ERBIN: variants seen among roughly 807,000 people sequenced by gnomAD.
ERBIN encodes densin-180-like protein.
A neutral mutation model predicts 158.4 loss-of-function variants in ERBIN; 60 were observed. That is an observed-to-expected ratio of 0.38 (90% CI 0.31 to 0.47). The LOEUF (loss-of-function observed/expected upper bound fraction) is 0.47, where lower values mean the gene tolerates loss of function less well. ERBIN is among the 20% of genes least tolerant of loss of function. ERBIN has a pLI of 0.99. For missense variants in ERBIN, 1,610 were observed against 1,648.0 expected, an observed-to-expected ratio of 0.98 and a Z score of 0.40; for synonymous variants, 594 against 557.2, an observed-to-expected ratio of 1.07 and a Z score of -0.93.
chr5:65,948,995 C>G (rs1746163543), intron 1 of ERBIN, among the ~76,000 whole-genome samples: 1 of 151,992 alleles, frequency 6.6e-6, no homozygotes. Context: ...AACTCCTGAC[C>G]TCAGGTGATC....
intron 22 of ERBIN, among the ~76,000 whole-genome samples, chr5:66,073,413 A>T (rs1580548749): frequency 6.6e-6 from 1 of 152,146 alleles, no homozygotes; most frequent in African/African-American, 2.4e-5. Flanking sequence ...TTTTTCCTCC[A>T]GAAATGTAGG....
At position 66,025,996 on chromosome 5, in the gene ERBIN, G is replaced by C. The variant is rs1160942488; in HGVS notation, c.1020+19G>C. Reference sequence around the variant, plus strand: ...CCCAGAGGTAATGTATTTTAGATTTGTTTAGATTTTTGTCTTTTCATTTTT... The same window carrying C: ...CCCAGAGGTAATGTATTTTAGATTTCTTTAGATTTTTGTCTTTTCATTTTT... On this transcript the variant is annotated intron_variant, in intron 12 of 25. Transcript: ENST00000284037. The C allele has an allele frequency of 6.4e-7, 1 of 1,560,692 alleles. No individual in the cohort carries two copies. The highest frequency in any genetic ancestry group is 1.4e-5 in the African/African-American group (1 of 71,112).
chr5:65,982,352 T>G (rs1054904851), intron 1 of ERBIN, among the ~76,000 whole-genome samples: 2 of 152,248 alleles, frequency 1.3e-5, no homozygotes, highest in Non-Finnish European at 2.9e-5. Context: ...TGAATCTTGC[T>G]TAGTGTTATT....
At position 66,044,152 on chromosome 5, in the gene ERBIN, A is replaced by C; in HGVS notation, c.1444A>C (p.Arg482=). 6.5e-7 allele frequency: 1 copy of C among 1,550,112 alleles called. No homozygotes were observed. Residue 482 remains arginine, a synonymous_variant, in exon 17 of 26, where the codon AGA becomes CGA. Coordinates refer to ENST00000284037, the MANE Select transcript of ERBIN (RefSeq NM_001253697.2). The part of the protein sequence containing the change: ...EAPPREGNLK[R]YPTPYPDELK... The stretch of plus-strand genomic sequence containing the variant: ...ATTTCTCTAGGAGGGAAATTTAAAA[A>C]GATATCCAACACCATACCCAGATGA...
chr5:65,995,457 G>C (rs1752333436), intron 4 of ERBIN, among the ~76,000 whole-genome samples: 1 of 151,282 alleles, frequency 6.6e-6, no homozygotes, highest in Non-Finnish European at 1.5e-5. Flanking sequence ...AAATTAACAG[G>C]GTTTTCTTCT....
chr5:66,016,473 G>A (rs1342560756), intron 7 of ERBIN, among the ~76,000 whole-genome samples: 1 of 152,082 alleles, frequency 6.6e-6, no homozygotes, highest in Admixed American at 6.5e-5. Context: ...TAAAATATGT[G>A]TAAAATTTAC....
At chr5:66,008,199 G>A (rs972234336) in intron 4 of ERBIN, among the ~76,000 whole-genome samples, 7 of 152,116 alleles carry the variant, frequency 4.6e-5, no homozygotes, top group African/African-American at 1.4e-4. Flanking sequence ...GGCGGATCAC[G>A]AGGTCAGGAG....
chr5:66,063,499 A>G (rs527462350), intron 21 of ERBIN, among the ~76,000 whole-genome samples: 1 of 152,202 alleles, frequency 6.6e-6, no homozygotes, highest in Admixed American at 6.5e-5. Context: ...AGGTGAGGCG[A>G]TGCCTCACCC....
chr5:65,965,382 GT>G (rs200847060), intron 1 of ERBIN, among the ~76,000 whole-genome samples: 2 of 96,060 alleles, frequency 2.1e-5, no homozygotes, highest in East Asian at 3.6e-4. Context: ...GTTTTTTGTT[GT>G]TTTTTTTTTT....
chr5:66,070,922 G>A (rs1487413772), intron 21 of ERBIN, among the ~76,000 whole-genome samples: 9 of 152,080 alleles, frequency 5.9e-5, no homozygotes, highest in Non-Finnish European at 1.2e-4. Context: ...GTTGCTAGCC[G>A]TAAACTGTTT....
chr5:65,993,737 A>C (rs746156714), intron 3 of ERBIN, among the ~76,000 whole-genome samples: 3 of 152,126 alleles, frequency 2.0e-5, no homozygotes, highest in Non-Finnish European at 2.9e-5. Flanking sequence ...AAAAACTATA[A>C]ATTTGGACTG....
At chr5:65,996,413 T>G (rs1302633930) in intron 4 of ERBIN, among the ~76,000 whole-genome samples, 1 of 152,154 alleles carries the variant, frequency 6.6e-6, no homozygotes, top group Non-Finnish European at 1.5e-5. Flanking sequence ...CTTTACCCAT[T>G]GTGTGTTCTT....
rs769541858 is a variant in ERBIN, at chr5:66,044,143, A to C, written c.1435A>C (p.Asn479His). The change falls in exon 17 of 26, where the codon AAT becomes CAT. Residue 479 changes from asparagine to histidine, a missense_variant. Around this residue, in one of 2 missense-constraint regions of ERBIN, gnomAD observed 596 missense variants for 711.9 expected, o/e 0.84. Coordinates refer to ENST00000284037, the MANE Select transcript of ERBIN (RefSeq NM_001253697.2). ...ACTTATTTTATTTCTCTAGGAGGGA[A>C]ATTTAAAAAGATATCCAACACCATA... The part of the protein sequence containing the change: ...DEREAPPREG[N>H]LKRYPTPYPD... 23 of 1,547,248 alleles carry C rather than the reference A, an allele frequency of 1.5e-5. No homozygotes were observed. The highest frequency in any genetic ancestry group is 1.9e-5 in the Non-Finnish European group (22 of 1,154,416).
chr5:65,998,457 T>G (rs1037113679), intron 4 of ERBIN, among the ~76,000 whole-genome samples: 1 of 151,918 alleles, frequency 6.6e-6, no homozygotes, highest in Non-Finnish European at 1.5e-5. Context: ...AAATTTTAGC[T>G]TTAAAGATAG....
At chr5:65,989,796 A>G (rs1336239236) in intron 2 of ERBIN, among the ~76,000 whole-genome samples, 1 of 152,228 alleles carries the variant, frequency 6.6e-6, no homozygotes, top group African/African-American at 2.4e-5. Flanking sequence ...GTAAATAGCC[A>G]CATGTGTCTA....
At chr5:66,073,120 C>A (rs1761678122) in intron 22 of ERBIN, among the ~76,000 whole-genome samples, 1 of 152,056 alleles carries the variant, frequency 6.6e-6, no homozygotes, top group South Asian at 2.1e-4. Flanking sequence ...GAGCCATCTG[C>A]TAATTGTAGC....
intron 7 of ERBIN, among the ~76,000 whole-genome samples, chr5:66,016,232 C>G (rs540699137): frequency 5.9e-5 from 9 of 152,288 alleles, no homozygotes; most frequent in African/African-American, 2.2e-4. Context: ...ATTTGATACT[C>G]TCAGTGATAG....
chr5:66,078,112 A>G (rs1236794181), intron 25 of ERBIN, among the ~76,000 whole-genome samples: 1 of 152,174 alleles, frequency 6.6e-6, no homozygotes, highest in East Asian at 1.9e-4. Flanking sequence ...GCCCCCTGCT[A>G]CGCTACAGTT....
At chr5:65,942,743 G>A (rs1406017670) in intron 1 of ERBIN, among the ~76,000 whole-genome samples, 3 of 152,090 alleles carry the variant, frequency 2.0e-5, no homozygotes, top group African/African-American at 7.2e-5. Flanking sequence ...TGGCCAACAT[G>A]GTGAAACTCT....
Sources: gnomAD v4.1 joint callset for allele counts (sites outside exome capture counted in the v4.1 genomes callset) on GRCh38, gnomAD v4.1.1 for gene constraint, gnomAD v4.1.1 regional missense constraint, MANE v1.5 for transcripts, NCBI Gene and HGNC (gene_info 2026-07-23, HGNC 2026-07-21) for gene names.